The following PPP6R3 variants were observed in gnomAD, a reference collection of about 807,000 sequenced individuals.
PPP6R3 encodes the protein serine/threonine-protein phosphatase 6 regulatory subunit 3.
Under a neutral mutation model 110.7 loss-of-function variants are expected in PPP6R3, and 38 were observed. The ratio of observed to expected loss-of-function variants is 0.34; its 90% CI spans 0.26 to 0.45. The LOEUF is 0.45. PPP6R3 is among the 20% of genes least tolerant of loss of function. PPP6R3 has a pLI of 1.00. For missense variants in PPP6R3, 870 were observed against 1,062.4 expected, an observed-to-expected ratio of 0.82 and a Z score of 2.52; for synonymous variants, 369 against 373.5, an observed-to-expected ratio of 0.99 and a Z score of 0.14.
chr11:68,465,103 A>G (rs1392296395), intron 1 of PPP6R3, among the ~76,000 whole-genome samples: 1 of 152,020 alleles, frequency 6.6e-6, no homozygotes. Context: ...GCTGGTCCCG[A>G]TCTCCTGACC....
chr11:68,470,134 G>A (rs1225962348), intron 1 of PPP6R3, among the ~76,000 whole-genome samples: 1 of 152,184 alleles, frequency 6.6e-6, no homozygotes, highest in Non-Finnish European at 1.5e-5. Flanking sequence ...TGTTTTCATG[G>A]AGCTTACATT....
chr11:68,554,042 A>G, intron 6 of PPP6R3, 103 bp from the exon 7 acceptor site: 1 of 815,072 alleles, frequency 1.2e-6, no homozygotes, highest in Non-Finnish European at 1.9e-6. Context: ...GCTTATGGCC[A>G]GTGTTAATTT....
At chr11:68,489,023 CTT>C (rs200526605) in intron 1 of PPP6R3, among the ~76,000 whole-genome samples, 11 of 140,510 alleles carry the variant, frequency 7.8e-5, no homozygotes, top group Admixed American at 7.1e-5. Context: ...CAGGTTTTGC[CTT>C]TTTTTTTTTT....
rs1349392319 is a variant in PPP6R3, at chr11:68,466,231, T to C, written c.-158+5404T>C. On this transcript the variant is annotated intron_variant, in intron 1 of 23. Transcript: ENST00000393800. ...ATTTATTTGTCATGGAAGCCCCCTTTCCTACTTCTCACCCCCTTTAGTTTT... is the reference window on the plus strand; with the variant it reads ...ATTTATTTGTCATGGAAGCCCCCTTCCCTACTTCTCACCCCCTTTAGTTTT... Among the ~76,000 whole-genome samples, 3 of 152,186 alleles carry C rather than the reference T, an allele frequency of 2.0e-5. No homozygotes were observed. In the East Asian group the frequency reaches 5.8e-4, roughly 29 times the overall value.
intron 1 of PPP6R3, among the ~76,000 whole-genome samples, chr11:68,461,301 G>A (rs917520291): frequency 3.8e-4 from 58 of 152,228 alleles, no homozygotes; most frequent in Non-Finnish European, 6.5e-4. Context: ...CAAGAGTCGC[G>A]AAGACCATTG....
intron 14 of PPP6R3, among the ~76,000 whole-genome samples, chr11:68,582,286 A>G (rs11228287): frequency 0.23 from 35,039 of 152,212 alleles, 4,280 homozygotes; most frequent in Middle Eastern, 0.32. Context: ...AGCAATCACT[A>G]CTATTAGTGC....
rs903500934 is a variant in PPP6R3, at chr11:68,613,401, A to G, written c.*284A>G. The stretch of plus-strand genomic sequence containing the variant: ...ATAAGATCTTGCCACCCATGTAATA[A>G]TAGTAGTAATACTATAGTTAAAATG... On this transcript the variant is annotated 3_prime_UTR_variant, in exon 24 of 24. Coordinates refer to ENST00000393800, the MANE Select transcript of PPP6R3 (RefSeq NM_001164161.2). The G allele has an allele frequency of 4.4e-6, 5 of 1,138,006 alleles. No individual in the cohort carries two copies. The highest frequency in any genetic ancestry group is 3.7e-4 in the Middle Eastern group (1 of 2,732). 70.5% of individuals were successfully genotyped at this position (1,138,006 alleles called of 1,614,324 possible).
chr11:68,509,744 ATTTTTTTT>A (rs59022544), intron 1 of PPP6R3, among the ~76,000 whole-genome samples: 1 of 102,152 alleles, frequency 9.8e-6, no homozygotes, highest in African/African-American at 3.8e-5. Flanking sequence ...CATGTGGCTA[ATTTTTTTT>A]TTTTTTTTTT....
At position 68,596,445 on chromosome 11, in the gene PPP6R3, A is replaced by G. The variant is rs7952656; in HGVS notation, c.2038+227A>G. Among the ~76,000 whole-genome samples the G allele has an allele frequency of 7.9e-3, 1,196 of 152,334 alleles. 19 individuals carry two copies. Among genetic ancestry groups the G allele is most frequent in the African/African-American group, 0.027 (1,132 of 41,570 alleles). On this transcript the variant is annotated intron_variant, in intron 19 of 23. Transcript: ENST00000393800. ...AGGTACCTCCCCTTCCTGGTAGGAAATGAACGTCAGCTGTGTGGGTCTGGC... is the reference window on the plus strand; with the variant it reads ...AGGTACCTCCCCTTCCTGGTAGGAAGTGAACGTCAGCTGTGTGGGTCTGGC...
intron 14 of PPP6R3, among the ~76,000 whole-genome samples, chr11:68,579,660 A>G (rs1191645192): frequency 2.0e-5 from 3 of 152,272 alleles, no homozygotes; most frequent in Non-Finnish European, 4.4e-5. Flanking sequence ...GTGCACACAC[A>G]ATATGTGTAA....
intron 1 of PPP6R3, among the ~76,000 whole-genome samples, chr11:68,496,829 T>G (rs1006382013): frequency 6.6e-6 from 1 of 151,320 alleles, no homozygotes; most frequent in African/African-American, 2.4e-5. Flanking sequence ...TTGTAGGAGT[T>G]TCTTAATTAT....
rs540761086 is a variant in PPP6R3 at position 68,529,958 on chromosome 11, C to G, written c.-6-7701C>G. Among the ~76,000 whole-genome samples, 415 of 152,184 alleles carry G rather than the reference C, an allele frequency of 2.7e-3. 4 individuals are homozygous for G. Among genetic ancestry groups the G allele is most frequent in the African/African-American group, 9.3e-3 (384 of 41,504 alleles). On this transcript the variant is annotated intron_variant, in intron 2 of 23. Coordinates refer to ENST00000393800, the MANE Select transcript of PPP6R3 (RefSeq NM_001164161.2). Reference sequence around the variant, plus strand: ...GGCTGTCTAGTACAGCAACCACTGGCCATGTGTAACTCTTGAACATCTGAA... The same window carrying G: ...GGCTGTCTAGTACAGCAACCACTGGGCATGTGTAACTCTTGAACATCTGAA...
intron 3 of PPP6R3, among the ~76,000 whole-genome samples, chr11:68,539,387 A>AC (rs1460191601): frequency 6.6e-6 from 1 of 151,264 alleles, no homozygotes; most frequent in Non-Finnish European, 1.5e-5. Flanking sequence ...AGTACTGCGC[A>AC]CCCCCCGCCG....
chr11:68,572,955 T>G (rs1397192324), intron 12 of PPP6R3, among the ~76,000 whole-genome samples: 1 of 151,384 alleles, frequency 6.6e-6, no homozygotes, highest in Non-Finnish European at 1.5e-5. Context: ...TGTTTTTTTT[T>G]TCTTATTGCT....
At chr11:68,550,261 T>A (rs1259550574) in intron 5 of PPP6R3, among the ~76,000 whole-genome samples, 2 of 152,180 alleles carry the variant, frequency 1.3e-5, no homozygotes, top group African/African-American at 4.8e-5. Flanking sequence ...CTTTGTTTGG[T>A]GTTTTCGTTG....
At chr11:68,557,585 C>G (rs2099404418) in intron 7 of PPP6R3, among the ~76,000 whole-genome samples, 1 of 152,088 alleles carries the variant, frequency 6.6e-6, no homozygotes, top group Admixed American at 6.5e-5. Flanking sequence ...GTGGCGCGAT[C>G]TCAGCTTACC....
intron 1 of PPP6R3, among the ~76,000 whole-genome samples, chr11:68,503,852 G>A (rs987291642): frequency 6.6e-6 from 1 of 152,226 alleles, no homozygotes; most frequent in Non-Finnish European, 1.5e-5. Flanking sequence ...TGGCAGAAAA[G>A]TGAAGTATAA....
chr11:68,595,965 G>A (rs1310828154), intron 18 of PPP6R3, 132 bp from the exon 19 acceptor site: 17 of 1,142,780 alleles, frequency 1.5e-5, no homozygotes, highest in African/African-American at 1.4e-4. Context: ...TCCTGACCAC[G>A]TGGTGCTCAG....
At position 68,591,676 on chromosome 11, in the gene PPP6R3, C is replaced by T; in HGVS notation, c.1886C>T (p.Ala629Val). 3 of 1,613,044 alleles carry T rather than the reference C, an allele frequency of 1.9e-6. No homozygotes were observed. The highest frequency in any genetic ancestry group is 2.5e-6 in the Non-Finnish European group (3 of 1,179,590). ...EEDIWEEKHI[A>V]FTPESQRRSS... is the part of the protein sequence containing the mutation. ...GATATATGGGAGGAAAAGCACATCG[C>T]ATTCACACCAGAATCCCAAAGACGA... The change falls in exon 18 of 24, where the codon GCA becomes GTA. Residue 629 changes from alanine (A) to valine (V), a missense_variant. Ala to Val is a moderately conservative substitution (Grantham distance 64). Transcript: ENST00000393800.
Sources: gnomAD v4.1 joint callset for allele counts (sites outside exome capture counted in the v4.1 genomes callset) on GRCh38, gnomAD v4.1.1 for gene constraint, MANE v1.5 for transcripts, NCBI Gene and HGNC (gene_info 2026-07-23, HGNC 2026-07-21) for gene names.